HSF5: variants seen among roughly 807,000 people sequenced by gnomAD.
The protein encoded by HSF5 is heat shock transcription factor 5, also known as heat shock factor protein 5.
A neutral mutation model predicts 50.8 loss-of-function variants in HSF5; 5 were observed. The ratio of observed to expected loss-of-function variants is 0.10; its 90% CI spans 0.05 to 0.21. The LOEUF (loss-of-function observed/expected upper bound fraction) is 0.21, where lower values mean the gene tolerates loss of function less well. HSF5 is among the 10% of genes least tolerant of loss of function. HSF5 has a pLI of 1.00. For missense variants in HSF5, 564 were observed against 762.6 expected, an observed-to-expected ratio of 0.74 and a Z score of 3.07; for synonymous variants, 307 against 307.4, an observed-to-expected ratio of 1.00 and a Z score of 0.02.
At chr17:58,445,424 A>G (rs1350750705) in intron 5 of HSF5, among the ~76,000 whole-genome samples, 1 of 152,214 alleles carries the variant, frequency 6.6e-6, no homozygotes, top group Non-Finnish European at 1.5e-5. Context: ...TTAAAAGGAA[A>G]AACAAAACAG....
At chr17:58,442,912 A>ATT (rs34849070) in intron 5 of HSF5, among the ~76,000 whole-genome samples, 65 of 137,210 alleles carry the variant, frequency 4.7e-4, no homozygotes, top group Admixed American at 1.5e-3. Flanking sequence ...TAATTTTTGC[A>ATT]TTTTTTTTTT....
intron 1 of HSF5, among the ~76,000 whole-genome samples, chr17:58,487,044 A>AT (rs1975193127): frequency 6.6e-6 from 1 of 151,010 alleles, no homozygotes; most frequent in Non-Finnish European, 1.5e-5. Flanking sequence ...AGTAGCTGGG[A>AT]TTACAGGCGT....
chr17:58,486,138 C>T (rs1460263146), intron 1 of HSF5, among the ~76,000 whole-genome samples: 1 of 151,964 alleles, frequency 6.6e-6, no homozygotes, highest in South Asian at 2.1e-4. Flanking sequence ...CCAAGGCTGG[C>T]GGATCACCTG....
chr17:58,442,292 T>C (rs1249863807), intron 5 of HSF5, among the ~76,000 whole-genome samples: 2 of 152,238 alleles, frequency 1.3e-5, no homozygotes, highest in African/African-American at 4.8e-5. Flanking sequence ...GCTGTGGCTA[T>C]GTGATCAAAG....
intron 5 of HSF5, among the ~76,000 whole-genome samples, chr17:58,433,542 G>A (rs1278706309): frequency 6.6e-6 from 1 of 152,176 alleles, no homozygotes; most frequent in Non-Finnish European, 1.5e-5. Context: ...GAGCTCTGGG[G>A]TTCATCAATA....
Position 58,463,015 on chromosome 17 carries a change from A to C in HSF5, c.1309T>G (p.Ser437Ala). The C allele has an allele frequency of 6.2e-7, 1 of 1,614,236 alleles. No homozygotes were observed. Among genetic ancestry groups the C allele is most frequent in the Non-Finnish European group, 8.5e-7 (1 of 1,180,044 alleles). The stretch of plus-strand genomic sequence containing the variant: ...CCAACCACAAAAGACATAATATCTG[A>C]GCCTACAGGAGTAAGTGGCTCCAGC... ...SQLEPLTPVG[S>A]DIMSFVVGTE... Residue 437 changes from serine to alanine, a missense_variant, in exon 4 of 6, where the codon TCA becomes GCA. Around this residue, in one of 5 missense-constraint regions of HSF5, gnomAD observed 441 missense variants for 533.6 expected, o/e 0.83. Transcript: ENST00000323777.
At chr17:58,479,566 G>C (rs1417452316) in intron 2 of HSF5, among the ~76,000 whole-genome samples, 1 of 152,108 alleles carries the variant, frequency 6.6e-6, no homozygotes, top group Non-Finnish European at 1.5e-5. Flanking sequence ...GCCTCCCAAA[G>C]TGCTGGGATT....
intron 5 of HSF5, among the ~76,000 whole-genome samples, chr17:58,435,559 A>G (rs1400958206): frequency 6.6e-6 from 1 of 151,902 alleles, no homozygotes; most frequent in East Asian, 1.9e-4. Context: ...TAAATAAACA[A>G]ATAAATAAAT....
intron 5 of HSF5, among the ~76,000 whole-genome samples, chr17:58,455,158 A>G (rs1442404265): frequency 6.6e-6 from 1 of 152,144 alleles, no homozygotes; most frequent in Non-Finnish European, 1.5e-5. Context: ...AGAATAGAGA[A>G]CCCAAAAATA....
At chr17:58,484,032 GT>G (rs1469094620) in intron 1 of HSF5, among the ~76,000 whole-genome samples, 1 of 152,148 alleles carries the variant, frequency 6.6e-6, no homozygotes, top group Non-Finnish European at 1.5e-5. Context: ...ACAAAACAAA[GT>G]TGTATTCTTG....
chr17:58,433,483 G>A (rs1180055013), intron 5 of HSF5, among the ~76,000 whole-genome samples: 1 of 152,162 alleles, frequency 6.6e-6, no homozygotes, highest in Non-Finnish European at 1.5e-5. Flanking sequence ...ATAAAAGCAT[G>A]AGACTGGTTA....
chr17:58,466,296 C>T (rs1974865635), intron 3 of HSF5, among the ~76,000 whole-genome samples: 3 of 152,144 alleles, frequency 2.0e-5, no homozygotes, highest in Admixed American at 2.0e-4. Flanking sequence ...TCTCCTTTCT[C>T]CTTAAAAAGA....
intron 2 of HSF5, chr17:58,477,020 C>CG (rs1975022181): frequency 3.5e-6 from 2 of 563,658 alleles, no homozygotes; most frequent in African/African-American, 1.9e-5. Flanking sequence ...TTCCCCCTCA[C>CG]GGCACACGCG....
chr17:58,483,824 A>G (rs1975131558), intron 1 of HSF5, among the ~76,000 whole-genome samples: 1 of 152,244 alleles, frequency 6.6e-6, no homozygotes, highest in Non-Finnish European at 1.5e-5. Flanking sequence ...GGCTCTAAAT[A>G]AAAGAACTAG....
chr17:58,445,609 A>G (rs1265770779), intron 5 of HSF5, among the ~76,000 whole-genome samples: 1 of 152,212 alleles, frequency 6.6e-6, no homozygotes, highest in Non-Finnish European at 1.5e-5. Flanking sequence ...GAACCTTGAG[A>G]ACATAATATA....
At chr17:58,430,553 TC>T (rs1016910963) in intron 5 of HSF5, among the ~76,000 whole-genome samples, 6 of 152,122 alleles carry the variant, frequency 3.9e-5, no homozygotes, top group Non-Finnish European at 8.8e-5. Context: ...GGTACACTCT[TC>T]CTCTCCTGTC....
At chr17:58,476,698 G>C (rs1975016177) in intron 2 of HSF5, 1 of 1,584,934 alleles carries the variant, frequency 6.3e-7, no homozygotes, top group African/African-American at 1.3e-5. Flanking sequence ...GACAAATGTT[G>C]TTATCCAAAA....
intron 1 of HSF5, among the ~76,000 whole-genome samples, chr17:58,484,890 T>C (rs894027236): frequency 2.0e-5 from 3 of 151,806 alleles, no homozygotes; most frequent in Non-Finnish European, 4.4e-5. Context: ...AAGTTGAACA[T>C]AGTGTTATTT....
chr17:58,483,815 G>A (rs1975131490), intron 1 of HSF5, among the ~76,000 whole-genome samples: 1 of 152,156 alleles, frequency 6.6e-6, no homozygotes, highest in African/African-American at 2.4e-5. Context: ...TGGTTCAGTG[G>A]CTCTAAATAA....
Sources: gnomAD v4.1 joint callset for allele counts (sites outside exome capture counted in the v4.1 genomes callset) on GRCh38, gnomAD v4.1.1 for gene constraint, gnomAD v4.1.1 regional missense constraint, MANE v1.5 for transcripts, NCBI Gene and HGNC (gene_info 2026-07-23, HGNC 2026-07-21) for gene names.